The following PCP4 variants were observed in gnomAD, a reference collection of about 807,000 sequenced individuals.
PCP4 encodes calmodulin regulator protein PCP4.
A neutral mutation model predicts 10.0 loss-of-function variants in PCP4; 8 were observed. The observed-to-expected ratio is 0.80, with a 90% CI of 0.47 to 1.45. The LOEUF (loss-of-function observed/expected upper bound fraction) is 1.45, where lower values mean the gene tolerates loss of function less well. Ranked by LOEUF, PCP4 falls within the 40% of genes most tolerant of loss-of-function variation. The probability of loss-of-function intolerance (pLI) is 0.00; values close to 1 mark genes in which losing one functional copy is unlikely to be tolerated. For synonymous variants in PCP4, 21 were observed against 23.0 expected, an observed-to-expected ratio of 0.91 and a Z score of 0.24; for missense variants, 54 against 74.4, an observed-to-expected ratio of 0.73 and a Z score of 1.01.
chr21:39,908,207 A>T lies in PCP4; in HGVS notation c.61+9680A>T, dbSNP rs184619159. ...GGCTTAGTATTTCTAAAGGAAAGAAAACTGTCAGATCTCTTTTTTAAGGAT... is the reference window on the plus strand; with the variant it reads ...GGCTTAGTATTTCTAAAGGAAAGAATACTGTCAGATCTCTTTTTTAAGGAT... On this transcript the variant is annotated intron_variant, in intron 2 of 2. Coordinates refer to ENST00000328619, the MANE Select transcript of PCP4 (RefSeq NM_006198.3). 1.2e-3 allele frequency among the ~76,000 whole-genome samples: 176 copies of T among 148,682 alleles called. 1 individual carries two copies. The highest frequency in any genetic ancestry group is 2.0e-3 in the Admixed American group (30 of 14,982).
chr21:39,924,630 C>T (rs868781087), intron 2 of PCP4, among the ~76,000 whole-genome samples: 6 of 152,266 alleles, frequency 3.9e-5, no homozygotes, highest in East Asian at 1.9e-4. Context: ...CTCCACCTCC[C>T]GGGCTCCAGT....
At chr21:39,927,180 C>T (rs745555578) in intron 2 of PCP4, among the ~76,000 whole-genome samples, 1 of 152,058 alleles carries the variant, frequency 6.6e-6, no homozygotes, top group Non-Finnish European at 1.5e-5. Flanking sequence ...GCTTACAGCT[C>T]TGCAGATGCA....
intron 2 of PCP4, among the ~76,000 whole-genome samples, chr21:39,905,573 T>A (rs1422480738): frequency 6.6e-6 from 1 of 152,116 alleles, no homozygotes; most frequent in African/African-American, 2.4e-5. Context: ...AAGAGTGACT[T>A]TTTGTTTGTT....
intron 1 of PCP4, among the ~76,000 whole-genome samples, chr21:39,870,689 T>G (rs930506958): frequency 2.0e-5 from 3 of 152,234 alleles, no homozygotes; most frequent in African/African-American, 7.2e-5. Context: ...GACAAACATC[T>G]GAGCGTGAAT....
At chr21:39,880,170 CTATATCTATATCTATATCTATCTA>C (rs1411094036) in intron 1 of PCP4, among the ~76,000 whole-genome samples, 4 of 145,608 alleles carry the variant, frequency 2.7e-5, no homozygotes, top group Middle Eastern at 7.1e-3. Flanking sequence ...ATATCTATAT[CTATATCTATATCTATATCTATCTA>C]TATCTATTCC....
chr21:39,880,170 CTATATCTATATCTA>C (rs2087367741), intron 1 of PCP4, among the ~76,000 whole-genome samples: 2 of 145,512 alleles, frequency 1.4e-5, no homozygotes, highest in African/African-American at 2.6e-5. Flanking sequence ...ATATCTATAT[CTATATCTATATCTA>C]TATCTATCTA....
At chr21:39,914,418 A>G (rs1291254506) in intron 2 of PCP4, among the ~76,000 whole-genome samples, 1 of 152,068 alleles carries the variant, frequency 6.6e-6, no homozygotes, top group Non-Finnish European at 1.5e-5. Flanking sequence ...TACTAAAAAC[A>G]TACACACACA....
At chr21:39,925,871 G>A (rs2037919) in intron 2 of PCP4, among the ~76,000 whole-genome samples, 71,285 of 151,866 alleles carry the variant, frequency 0.47, 17,073 homozygotes, top group Admixed American at 0.51. Flanking sequence ...GCCCTGAAGA[G>A]TGGTTCTGGG....
chr21:39,881,843 T>C (rs1197710975), intron 1 of PCP4, among the ~76,000 whole-genome samples: 1 of 152,148 alleles, frequency 6.6e-6, no homozygotes, highest in Non-Finnish European at 1.5e-5. Context: ...TCTTTCCCCT[T>C]CTAGACCGGA....
chr21:39,911,726 T>C (rs1045855715), intron 2 of PCP4, among the ~76,000 whole-genome samples: 39 of 152,208 alleles, frequency 2.6e-4, no homozygotes, highest in African/African-American at 8.9e-4. Flanking sequence ...TCACTTGTCT[T>C]TTCTATAAAT....
intron 2 of PCP4, among the ~76,000 whole-genome samples, chr21:39,908,328 G>A (rs1349927877): frequency 6.6e-6 from 1 of 152,162 alleles, no homozygotes; most frequent in Admixed American, 6.5e-5. Context: ...CTCCTCAGGT[G>A]TCATTAAGGG....
intron 2 of PCP4, among the ~76,000 whole-genome samples, chr21:39,923,593 T>C (rs2087607079): frequency 6.6e-6 from 1 of 152,180 alleles, no homozygotes. Flanking sequence ...CTGAAAAGCC[T>C]CCATGGAGAG....
chr21:39,894,538 C>T (rs1265372552), intron 1 of PCP4, among the ~76,000 whole-genome samples: 1 of 152,168 alleles, frequency 6.6e-6, no homozygotes, highest in African/African-American at 2.4e-5. Flanking sequence ...CTGCCTTCTG[C>T]ATAACCTAAC....
chr21:39,913,974 A>T (rs569286738), intron 2 of PCP4, among the ~76,000 whole-genome samples: 2 of 152,406 alleles, frequency 1.3e-5, no homozygotes, highest in South Asian at 2.1e-4. Context: ...AGCCAGGGCC[A>T]AGAAGGACGC....
chr21:39,909,703 T>C (rs1023535259), intron 2 of PCP4, among the ~76,000 whole-genome samples: 2 of 152,178 alleles, frequency 1.3e-5, no homozygotes, highest in Admixed American at 1.3e-4. Context: ...AAACTCTCCC[T>C]TCAGGAACTT....
At chr21:39,870,148 C>T (rs75133876) in intron 1 of PCP4, among the ~76,000 whole-genome samples, 168 of 152,336 alleles carry the variant, frequency 1.1e-3, no homozygotes, top group African/African-American at 3.9e-3. Flanking sequence ...AAGGGAGCCT[C>T]GAACTGGCTT....
At chr21:39,885,840 T>A (rs1344936364) in intron 1 of PCP4, among the ~76,000 whole-genome samples, 2 of 152,264 alleles carry the variant, frequency 1.3e-5, no homozygotes, top group Non-Finnish European at 2.9e-5. Context: ...TCTGAATGTA[T>A]TAATTAGTCT....
At chr21:39,876,048 G>C (rs145225441) in intron 1 of PCP4, among the ~76,000 whole-genome samples, 3 of 151,456 alleles carry the variant, frequency 2.0e-5, no homozygotes, top group Middle Eastern at 3.4e-3. Flanking sequence ...ATTATTTTCA[G>C]TCTATGATTT....
intron 2 of PCP4, among the ~76,000 whole-genome samples, chr21:39,911,595 G>A (rs1299236662): frequency 7.9e-5 from 12 of 152,218 alleles, no homozygotes; most frequent in Non-Finnish European, 1.5e-4. Context: ...TGTGGGCCTC[G>A]TCAACGTGAC....
Sources: allele counts gnomAD v4.1 joint callset (sites outside exome capture counted in the v4.1 genomes callset), GRCh38; gene constraint gnomAD v4.1.1; transcripts MANE v1.5; gene names NCBI Gene and HGNC (gene_info 2026-07-23, HGNC 2026-07-21).